The following MAST4 variants were observed in gnomAD, a reference collection of about 807,000 sequenced individuals.
The protein encoded by MAST4 is microtubule-associated serine/threonine-protein kinase 4.
Under a neutral mutation model 162.7 loss-of-function variants are expected in MAST4, and 89 were observed. That is an observed-to-expected ratio of 0.55 (90% confidence interval 0.46 to 0.65). The LOEUF (loss-of-function observed/expected upper bound fraction) is 0.65. Ranked by LOEUF, MAST4 falls within the 30% of genes least tolerant of loss-of-function variation. The pLI is 0.00. For missense variants in MAST4, 3,153 were observed against 3,374.0 expected (o/e 0.93, Z 1.62); for synonymous variants, 1,479 against 1,361.1 (o/e 1.09, Z -1.91).
intron 2 of MAST4, among the ~76,000 whole-genome samples, chr5:66,771,342 A>G (rs1328026459): frequency 6.6e-6 from 1 of 151,684 alleles, no homozygotes; most frequent in Admixed American, 6.6e-5. Flanking sequence ...CCGCCGCCAC[A>G]CCCGGCTAAT....
chr5:66,724,080 G>A lies in MAST4; in HGVS notation c.364-35629G>A, dbSNP rs80353251. 9.5e-3 allele frequency among the ~76,000 whole-genome samples: 1,449 copies of A among 152,178 alleles called. 21 individuals carry two copies. The highest frequency in any genetic ancestry group is 0.032 in the African/African-American group (1,342 of 41,498). On this transcript the variant is annotated intron_variant, in intron 1 of 28. Coordinates refer to ENST00000403625, the MANE Select transcript of MAST4 (RefSeq NM_001164664.2). ...AAAATATAAAATTGGCACTCTTAGT[G>A]GAATTATTCTCATTTTATTTCTTAG...
At chr5:66,608,102 C>G (rs9291871) in intron 1 of MAST4, among the ~76,000 whole-genome samples, 9,599 of 147,838 alleles carry the variant, frequency 0.065, 923 homozygotes, top group African/African-American at 0.21. Flanking sequence ...CTGTTGCCCA[C>G]GCTGGAGTGC....
At chr5:66,977,067 G>A (rs988885999) in intron 4 of MAST4, among the ~76,000 whole-genome samples, 2 of 152,156 alleles carry the variant, frequency 1.3e-5, no homozygotes, top group Non-Finnish European at 2.9e-5. Context: ...GATATAGAAA[G>A]TCTCACCTTC....
chr5:67,067,989 G>A (rs1298933437), intron 5 of MAST4, among the ~76,000 whole-genome samples: 2 of 152,258 alleles, frequency 1.3e-5, no homozygotes, highest in East Asian at 3.9e-4. Flanking sequence ...AGTGCACCTA[G>A]TGTCCAGGAT....
chr5:67,004,396 A>G (rs1561522198), intron 4 of MAST4, among the ~76,000 whole-genome samples: 1 of 152,216 alleles, frequency 6.6e-6, no homozygotes, highest in African/African-American at 2.4e-5. Flanking sequence ...CAATAGGCCC[A>G]TTTTTTAAAA....
At chr5:67,035,442 A>G (rs754099012) in intron 4 of MAST4, among the ~76,000 whole-genome samples, 3 of 152,166 alleles carry the variant, frequency 2.0e-5, no homozygotes, top group Non-Finnish European at 4.4e-5. Context: ...TGAGTAAGTT[A>G]GGGCTGGCTG....
intron 10 of MAST4, among the ~76,000 whole-genome samples, chr5:67,106,935 A>G (rs967771759): frequency 3.3e-5 from 5 of 152,208 alleles, no homozygotes; most frequent in Non-Finnish European, 7.4e-5. Flanking sequence ...TATTCAACCT[A>G]TTAGGATGTA....
At chr5:66,903,629 T>A (rs1763154803) in intron 4 of MAST4, among the ~76,000 whole-genome samples, 1 of 152,302 alleles carries the variant, frequency 6.6e-6, no homozygotes, top group East Asian at 1.9e-4. Context: ...TTTTAGTATA[T>A]ACTACCTCAA....
rs940699026 is a variant in MAST4 at position 67,118,678 on chromosome 5, T to G, written c.1592-4T>G. On this transcript the variant is annotated splice_polypyrimidine_tract_variant and splice_region_variant and intron_variant, in intron 12 of 28. Coordinates refer to ENST00000403625, the MANE Select transcript of MAST4 (RefSeq NM_001164664.2). ...AAGCTTAACTTTTTTTTTTTCCAAC[T>G]TAGAAATGGCTCATTTGGGAAACTA... 8 of 1,550,802 alleles carry G rather than the reference T, an allele frequency of 5.2e-6. No homozygotes were observed. Among genetic ancestry groups the G allele is most frequent in the Non-Finnish European group, 6.1e-6 (7 of 1,141,164 alleles).
intron 1 of MAST4, among the ~76,000 whole-genome samples, chr5:66,718,473 T>C (rs1333520079): frequency 6.6e-6 from 1 of 151,930 alleles, no homozygotes; most frequent in Non-Finnish European, 1.5e-5. Context: ...TGAGAGTGAG[T>C]GTGCTTGGCC....
chr5:66,991,170 T>C (rs1374207653), intron 4 of MAST4, among the ~76,000 whole-genome samples: 1 of 152,220 alleles, frequency 6.6e-6, no homozygotes, highest in African/African-American at 2.4e-5. Context: ...TTCTGGTCTA[T>C]TCATTTGTTC....
Position 67,054,577 on chromosome 5 carries a change from A to G in MAST4, c.763+85A>G, listed in dbSNP as rs184874962. 29 of 1,136,602 alleles carry G rather than the reference A, an allele frequency of 2.6e-5. No individual in the cohort carries two copies. The East Asian group carries it at 5.3e-4, about 21-fold the overall frequency. The allele number at this position is 1,136,602 out of a possible 1,614,324, so 70.4% of individuals were successfully genotyped here. On this transcript the variant is annotated intron_variant, in intron 5 of 28. Transcript: ENST00000403625. The stretch of plus-strand genomic sequence containing the variant: ...TAATTAATGCATTTTGATATTTGGT[A>G]TGTCTTCACATGTTATCTTTGTTTT...
intron 19 of MAST4, among the ~76,000 whole-genome samples, chr5:67,139,362 A>T (rs1384521517): frequency 6.6e-6 from 1 of 152,266 alleles, no homozygotes; most frequent in Non-Finnish European, 1.5e-5. Flanking sequence ...AACTTCCATG[A>T]AAGGAGAGAA....
chr5:66,737,711 A>T (rs956902221), intron 1 of MAST4, among the ~76,000 whole-genome samples: 1 of 152,126 alleles, frequency 6.6e-6, no homozygotes, highest in African/African-American at 2.4e-5. Context: ...GAGGTTTCTG[A>T]GTGATACCTC....
At chr5:66,865,522 A>C (rs2149852759) in intron 3 of MAST4, among the ~76,000 whole-genome samples, 1 of 152,346 alleles carries the variant, frequency 6.6e-6, no homozygotes. Context: ...AAATGGAAGT[A>C]TTTAAGTTTT....
chr5:67,115,397 C>G (rs1399071646), intron 12 of MAST4, among the ~76,000 whole-genome samples: 1 of 152,248 alleles, frequency 6.6e-6, no homozygotes, highest in Non-Finnish European at 1.5e-5. Flanking sequence ...AGGGAACCTG[C>G]TGCTCTCTGC....
chr5:66,680,642 G>A, intron 1 of MAST4, among the ~76,000 whole-genome samples: 1 of 152,176 alleles, frequency 6.6e-6, no homozygotes, highest in East Asian at 1.9e-4. Context: ...GTGAACAGGG[G>A]CCATACTTCT....
At position 67,130,431 on chromosome 5, in the gene MAST4, G is replaced by A. The variant is rs1768819257; in HGVS notation, c.1954+13G>A. ...GAATATGTGGAAGGTATCTGACACG[G>A]AAAACATGACACCTGTACCCAGGAA... On this transcript the variant is annotated intron_variant, in intron 15 of 28. Coordinates refer to ENST00000403625, the MANE Select transcript of MAST4 (RefSeq NM_001164664.2). The A allele has an allele frequency of 6.2e-7, 1 of 1,612,758 alleles. No homozygotes were observed. The highest frequency in any genetic ancestry group is 1.3e-5 in the African/African-American group (1 of 74,988).
intron 6 of MAST4, among the ~76,000 whole-genome samples, chr5:67,091,296 G>A (rs1464790972): frequency 1.3e-5 from 2 of 152,152 alleles, no homozygotes; most frequent in African/African-American, 4.8e-5. Flanking sequence ...TAAATCTGAT[G>A]TAAAAAAGTT....
Sources: gnomAD v4.1 joint callset for allele counts (sites outside exome capture counted in the v4.1 genomes callset) on GRCh38, gnomAD v4.1.1 for gene constraint, MANE v1.5 for transcripts, NCBI Gene and HGNC (gene_info 2026-07-23, HGNC 2026-07-21) for gene names.